Variants in PHLDB2 observed in about 807,000 individuals in gnomAD.
The protein encoded by PHLDB2 is pleckstrin homology-like domain family B member 2.
In PHLDB2, 71 loss-of-function variants were observed where a neutral mutation model predicts 123.6. The observed-to-expected ratio is 0.57, with a 90% CI of 0.47 to 0.70. The LOEUF (loss-of-function observed/expected upper bound fraction) is 0.70, where lower values mean the gene tolerates loss of function less well. Ranked by LOEUF, PHLDB2 falls within the 30% of genes least tolerant of loss-of-function variation. The pLI is 0.00. For missense variants in PHLDB2, 1,446 were observed against 1,519.5 expected (o/e 0.95, Z 0.80); for synonymous variants, 547 against 541.6 (o/e 1.01, Z -0.14).
chr3:111,934,915 T>C (rs1426223291), intron 6 of PHLDB2, among the ~76,000 whole-genome samples: 1 of 152,046 alleles, frequency 6.6e-6, no homozygotes, highest in Admixed American at 6.5e-5. Context: ...TTAGAGCCAG[T>C]GATAGAAAAA....
At chr3:111,932,173 T>C in intron 5 of PHLDB2, 96 bp from the exon 6 acceptor site, 1 of 1,299,390 alleles carries the variant, frequency 7.7e-7, no homozygotes, top group Middle Eastern at 2.0e-4. Flanking sequence ...AGAGTTTGTG[T>C]ATGTTTGTTT....
chr3:111,879,995 T>G, intron 1 of PHLDB2, among the ~76,000 whole-genome samples: 3 of 151,358 alleles, frequency 2.0e-5, no homozygotes, highest in Middle Eastern at 6.8e-3. Context: ...CTTTTTTTTT[T>G]TTTTTTTTTT....
chr3:111,737,427 C>T (rs2059528913), intron 1 of PHLDB2, among the ~76,000 whole-genome samples: 2 of 152,114 alleles, frequency 1.3e-5, no homozygotes, highest in East Asian at 1.9e-4. Flanking sequence ...AGTGATCAAG[C>T]AGAGTGAATG....
At chr3:111,908,499 G>T (rs2067687113) in intron 2 of PHLDB2, among the ~76,000 whole-genome samples, 1 of 152,168 alleles carries the variant, frequency 6.6e-6, no homozygotes, top group African/African-American at 2.4e-5. Context: ...CACGTTTCCT[G>T]ATGGAGCCAA....
chr3:111,966,752 A>G lies in PHLDB2; in HGVS notation c.3168+49A>G, dbSNP rs751627095. On this transcript the variant is annotated intron_variant, in intron 14 of 17. Coordinates refer to ENST00000431670, the MANE Select transcript of PHLDB2 (RefSeq NM_001134438.2). ...GAGGTCTGTGATACCGTGGTGCAGG[A>G]GCCCTGCGCTTGGCATCAGACAATA... 1.4e-5 allele frequency: 21 copies of G among 1,471,210 alleles called. No individual in the cohort carries two copies. In the South Asian group the frequency reaches 2.3e-4, roughly 16 times the overall value. The allele number at this position is 1,471,210 out of a possible 1,614,324, so 91.1% of individuals were successfully genotyped here. A position where few individuals can be genotyped will look rare whatever the true frequency, so the allele number is the denominator to read the frequency against.
intron 5 of PHLDB2, among the ~76,000 whole-genome samples, chr3:111,927,098 G>A (rs1252612130): frequency 6.6e-6 from 1 of 152,166 alleles, no homozygotes; most frequent in African/African-American, 2.4e-5. Flanking sequence ...TCACATAAAT[G>A]ATTATGGGCC....
intron 1 of PHLDB2, among the ~76,000 whole-genome samples, chr3:111,771,259 T>C (rs1353152874): frequency 6.6e-6 from 1 of 152,186 alleles, no homozygotes; most frequent in Non-Finnish European, 1.5e-5. Context: ...TTTGGGAGAA[T>C]CTCTTCTATG....
intron 1 of PHLDB2, among the ~76,000 whole-genome samples, chr3:111,774,960 G>A (rs1036405482): frequency 6.6e-6 from 1 of 152,124 alleles, no homozygotes; most frequent in Non-Finnish European, 1.5e-5. Flanking sequence ...TGTGCCATAA[G>A]GAGTGAGTTG....
chr3:111,741,813 A>G (rs2059609145), intron 1 of PHLDB2, among the ~76,000 whole-genome samples: 1 of 152,234 alleles, frequency 6.6e-6, no homozygotes, highest in Non-Finnish European at 1.5e-5. Context: ...ACACTACAAG[A>G]TCCTTCAGCA....
At chr3:111,893,091 A>ACCGC (rs1553746090) in intron 2 of PHLDB2, among the ~76,000 whole-genome samples, 1 of 90,062 alleles carries the variant, frequency 1.1e-5, no homozygotes, top group African/African-American at 3.4e-5. Context: ...GTGAGTCCTG[A>ACCGC]CCACCCCCCC....
intron 1 of PHLDB2, among the ~76,000 whole-genome samples, chr3:111,842,516 C>T (rs1478922784): frequency 2.6e-5 from 4 of 152,286 alleles, no homozygotes; most frequent in Middle Eastern, 3.4e-3. Flanking sequence ...ATATAATAAC[C>T]TGTATCCACT....
chr3:111,740,965 T>C (rs1206839111), intron 1 of PHLDB2, among the ~76,000 whole-genome samples: 1 of 149,746 alleles, frequency 6.7e-6, no homozygotes, highest in Non-Finnish European at 1.5e-5. Context: ...CAAAGAAATA[T>C]GAACAATGAT....
chr3:111,744,190 T>C (rs1174929465), intron 1 of PHLDB2, among the ~76,000 whole-genome samples: 2 of 152,142 alleles, frequency 1.3e-5, no homozygotes, highest in African/African-American at 4.8e-5. Context: ...TATAATGATA[T>C]GAAGAAATGT....
intron 1 of PHLDB2, among the ~76,000 whole-genome samples, chr3:111,877,128 C>G (rs1013644351): frequency 1.3e-5 from 2 of 152,178 alleles, no homozygotes; most frequent in Non-Finnish European, 2.9e-5. Context: ...AGTTCTAGAT[C>G]CCTGAGGAAT....
intron 5 of PHLDB2, among the ~76,000 whole-genome samples, chr3:111,926,010 T>A (rs1379286581): frequency 6.6e-6 from 1 of 152,268 alleles, no homozygotes; most frequent in African/African-American, 2.4e-5. Context: ...ATGACCCAGA[T>A]GATAAACATA....
chr3:111,895,257 A>G (rs2066763572), intron 2 of PHLDB2, among the ~76,000 whole-genome samples: 1 of 152,212 alleles, frequency 6.6e-6, no homozygotes, highest in Non-Finnish European at 1.5e-5. Flanking sequence ...TAGTAGCAGT[A>G]CAAGCTATTG....
chr3:111,824,255 G>A (rs778591678), intron 1 of PHLDB2, among the ~76,000 whole-genome samples: 17 of 152,036 alleles, frequency 1.1e-4, no homozygotes, highest in Non-Finnish European at 1.8e-4. Flanking sequence ...ATCTTACTCC[G>A]TATGAATTTC....
chr3:111,930,448 G>C (rs529231840), intron 5 of PHLDB2, among the ~76,000 whole-genome samples: 23 of 152,198 alleles, frequency 1.5e-4, no homozygotes, highest in African/African-American at 5.1e-4. Context: ...CCATTTGGAG[G>C]TAGAGTTGCT....
chr3:111,974,361 GTTAT>G (rs2107702630), intron 17 of PHLDB2, 58 bp from the exon 18 acceptor site: 1 of 1,414,748 alleles, frequency 7.1e-7, no homozygotes, highest in East Asian at 2.4e-5. Flanking sequence ...ACATGTCTGT[GTTAT>G]TTAATGTTGT....
Sources: allele counts gnomAD v4.1 joint callset (sites outside exome capture counted in the v4.1 genomes callset), GRCh38; gene constraint gnomAD v4.1.1; transcripts MANE v1.5; gene names NCBI Gene and HGNC (gene_info 2026-07-23, HGNC 2026-07-21).